THADA: variants seen among roughly 807,000 people sequenced by gnomAD.
THADA encodes THADA armadillo repeat containing, also known as tRNA (32-2'-O)-methyltransferase regulator THADA.
A neutral mutation model predicts 219.8 loss-of-function variants in THADA; 213 were observed. That is an observed-to-expected ratio of 0.97 (90% CI 0.87 to 1.09). The LOEUF is 1.09. Ranked by LOEUF, THADA falls within the 50% of genes least tolerant of loss-of-function variation. The pLI, the probability that THADA is intolerant of heterozygous loss-of-function variation, is 0.00. For synonymous variants in THADA, 1,018 were observed against 828.9 expected, an observed-to-expected ratio of 1.23 and a Z score of -3.92; for missense variants, 2,956 against 2,311.3, an observed-to-expected ratio of 1.28 and a Z score of -5.72.
chr2:43,513,592 G>A (rs963565474), intron 22 of THADA, among the ~76,000 whole-genome samples: 10 of 152,244 alleles, frequency 6.6e-5, no homozygotes, highest in Admixed American at 3.9e-4. Context: ...CTAACTCAGT[G>A]ACTAGATCTA....
intron 36 of THADA, among the ~76,000 whole-genome samples, chr2:43,251,958 G>A (rs1669845578): frequency 6.6e-6 from 1 of 152,116 alleles, no homozygotes; most frequent in South Asian, 2.1e-4. Flanking sequence ...CCATTCTCCT[G>A]ATTTTCCATT....
intron 31 of THADA, among the ~76,000 whole-genome samples, chr2:43,309,819 A>C (rs1186279034): frequency 6.6e-6 from 1 of 152,186 alleles, no homozygotes; most frequent in Admixed American, 6.5e-5. Context: ...TCAAGAAAAA[A>C]GGAGTCCACA....
chr2:43,557,267 TA>T (rs2103915365), intron 16 of THADA, among the ~76,000 whole-genome samples: 1 of 152,334 alleles, frequency 6.6e-6, no homozygotes, highest in Non-Finnish European at 1.5e-5. Flanking sequence ...AACCTTTTTT[TA>T]AAACTGCTTC....
At chr2:43,268,224 T>C (rs1199899092) in intron 36 of THADA, among the ~76,000 whole-genome samples, 1 of 152,188 alleles carries the variant, frequency 6.6e-6, no homozygotes, top group African/African-American at 2.4e-5. Flanking sequence ...TACTTTTAGC[T>C]CATCATGATG....
At chr2:43,528,125 G>GTTT in intron 21 of THADA, 137 bp from the exon 22 acceptor site, 2 of 238,924 alleles carry the variant, frequency 8.4e-6, no homozygotes, top group South Asian at 6.7e-5. Context: ...CATGTTTTAA[G>GTTT]CTTTTTTTTT....
chr2:43,447,255 A>G (rs892206078), intron 26 of THADA, among the ~76,000 whole-genome samples: 1 of 152,112 alleles, frequency 6.6e-6, no homozygotes, highest in Non-Finnish European at 1.5e-5. Context: ...ACAATTCAAG[A>G]TGAGATTTGG....
chr2:43,404,272 AG>A (rs1295092576), intron 28 of THADA, among the ~76,000 whole-genome samples: 1 of 151,932 alleles, frequency 6.6e-6, no homozygotes, highest in East Asian at 1.9e-4. Context: ...AGCTCACTGC[AG>A]CCTTGAATTC....
chr2:43,484,024 G>A (rs1280746933), intron 26 of THADA, among the ~76,000 whole-genome samples: 2 of 151,592 alleles, frequency 1.3e-5, no homozygotes, highest in African/African-American at 4.8e-5. Context: ...TTTAAGAACA[G>A]GCTAAAAAAT....
At chr2:43,493,832 C>G (rs1359813669) in intron 25 of THADA, among the ~76,000 whole-genome samples, 2 of 152,150 alleles carry the variant, frequency 1.3e-5, no homozygotes, top group African/African-American at 4.8e-5. Flanking sequence ...TGCTGAGCCA[C>G]CACCATCTTT....
intron 22 of THADA, among the ~76,000 whole-genome samples, chr2:43,522,666 G>A (rs1284277432): frequency 6.6e-6 from 1 of 152,302 alleles, no homozygotes; most frequent in Non-Finnish European, 1.5e-5. Flanking sequence ...TTAAATGAGT[G>A]TTCAAATATC....
At chr2:43,243,177 G>A (rs898959176) in intron 36 of THADA, among the ~76,000 whole-genome samples, 22 of 152,208 alleles carry the variant, frequency 1.4e-4, no homozygotes, top group African/African-American at 5.3e-4. Context: ...TTCAGCCAGA[G>A]GGGTGGGAAG....
chr2:43,346,016 T>C (rs147389874), intron 29 of THADA, among the ~76,000 whole-genome samples: 1 of 152,262 alleles, frequency 6.6e-6, no homozygotes, highest in Non-Finnish European at 1.5e-5. Flanking sequence ...CAGACAATTG[T>C]GACCCTGGTT....
chr2:43,438,454 G>A (rs1243498666), intron 26 of THADA, among the ~76,000 whole-genome samples: 4 of 152,042 alleles, frequency 2.6e-5, no homozygotes, highest in Non-Finnish European at 5.9e-5. Context: ...AATAATTTAG[G>A]ATTTTCTTGA....
At chr2:43,409,428 G>A (rs1676007465) in intron 28 of THADA, among the ~76,000 whole-genome samples, 1 of 151,500 alleles carries the variant, frequency 6.6e-6, no homozygotes, top group Non-Finnish European at 1.5e-5. Flanking sequence ...ACTCATTCAA[G>A]GTATCTTTTC....
In THADA at chr2:43,573,710, C is replaced by A. The variant is rs17031067; in HGVS notation, c.1729+626G>T. On this transcript the variant is annotated intron_variant, in intron 11 of 37. Coordinates refer to ENST00000405975, the MANE Select transcript of THADA (RefSeq NM_022065.5). Reference sequence around the variant, plus strand: ...AAATATTTCTTAAAATTATGCTGTACGATACTACATTCTTGCTTTGTTAAA... The same window carrying A: ...AAATATTTCTTAAAATTATGCTGTAAGATACTACATTCTTGCTTTGTTAAA... 4.6e-5 allele frequency among the ~76,000 whole-genome samples: 7 copies of A among 152,100 alleles called. No homozygotes were observed. In the East Asian group the frequency reaches 1.3e-3, roughly 29 times the overall value.
intron 29 of THADA, 30 bp from the exon 30 acceptor site, chr2:43,344,267 T>C (rs753958163): frequency 3.4e-6 from 5 of 1,483,450 alleles, no homozygotes; most frequent in South Asian, 2.4e-5. Flanking sequence ...AAAATCCTGC[T>C]GTGAAAATAT....
chr2:43,262,683 A>G (rs923140371), intron 36 of THADA, among the ~76,000 whole-genome samples: 6 of 152,256 alleles, frequency 3.9e-5, no homozygotes, highest in Non-Finnish European at 8.8e-5. Context: ...TATTTCAGTT[A>G]TATTAGTAGT....
intron 30 of THADA, among the ~76,000 whole-genome samples, chr2:43,321,046 C>T (rs550701077): frequency 7.7e-4 from 117 of 152,314 alleles, no homozygotes; most frequent in Admixed American, 2.0e-3. Context: ...GATTAACAAA[C>T]ACTGGAGATG....
rs71410163 is a variant in THADA, at chr2:43,310,226, G to GCCC, written c.4438+10217_4438+10219dup. Among the ~76,000 whole-genome samples the GCCC allele has an allele frequency of 9.6e-4, 52 of 54,076 alleles. 1 individual carries two copies. The highest frequency in any genetic ancestry group is 4.7e-3 in the East Asian group (9 of 1,932). 35.5% of individuals were successfully genotyped at this position (54,076 alleles called of 152,430 possible). On this transcript the variant is annotated intron_variant, in intron 31 of 37. Coordinates refer to ENST00000405975, the MANE Select transcript of THADA (RefSeq NM_022065.5). ...CCCTCCCTCCCTCCCTCCCTTTCCCGCCCCCCCCCCAAACAAGCTGATCCT... is the reference window on the plus strand; with the variant it reads ...CCCTCCCTCCCTCCCTCCCTTTCCCGCCCCCCCCCCCCCAAACAAGCTGATCCT...
Sources: gnomAD v4.1 joint callset for allele counts (sites outside exome capture counted in the v4.1 genomes callset) on GRCh38, gnomAD v4.1.1 for gene constraint, MANE v1.5 for transcripts, NCBI Gene and HGNC (gene_info 2026-07-23, HGNC 2026-07-21) for gene names.